Variants in UHRF2 observed in about 807,000 individuals in gnomAD.
UHRF2 encodes ubiquitin like with PHD and ring finger domains 2, also known as E3 ubiquitin-protein ligase UHRF2.
In UHRF2, 23 loss-of-function variants were observed where a neutral mutation model predicts 96.8. The observed-to-expected ratio is 0.24, with a 90% confidence interval of 0.17 to 0.34. The LOEUF is 0.34. Among genes scored for constraint, UHRF2 ranks in the 10% least tolerant of loss-of-function variants. The pLI is 1.00. For missense variants in UHRF2, 685 were observed against 981.5 expected, an observed-to-expected ratio of 0.70 and a Z score of 4.04; for synonymous variants, 385 against 332.6, an observed-to-expected ratio of 1.16 and a Z score of -1.72.
intron 3 of UHRF2, among the ~76,000 whole-genome samples, chr9:6,439,570 A>C (rs1387072628): frequency 6.6e-6 from 1 of 152,250 alleles, no homozygotes; most frequent in Non-Finnish European, 1.5e-5. Flanking sequence ...CATCATGTAC[A>C]AAGTAGATAG....
At chr9:6,487,605 G>C (rs1034427429) in intron 9 of UHRF2, among the ~76,000 whole-genome samples, 5 of 152,210 alleles carry the variant, frequency 3.3e-5, no homozygotes, top group Non-Finnish European at 7.3e-5. Flanking sequence ...GACCTCAGGT[G>C]ATCCTCCCGC....
chr9:6,478,499 A>G (rs1823724884), intron 6 of UHRF2, among the ~76,000 whole-genome samples: 1 of 152,238 alleles, frequency 6.6e-6, no homozygotes, highest in Non-Finnish European at 1.5e-5. Context: ...AGAAGGCTCC[A>G]ATTATACTTG....
intron 10 of UHRF2, chr9:6,494,512 T>C (rs1824852877): frequency 1.3e-5 from 2 of 152,196 alleles, no homozygotes; most frequent in Admixed American, 6.5e-5. Flanking sequence ...CTGATCTTTA[T>C]TCTATAGAAA....
intron 3 of UHRF2, among the ~76,000 whole-genome samples, chr9:6,434,940 C>T (rs1820753985): frequency 6.6e-6 from 1 of 151,896 alleles, no homozygotes; most frequent in Non-Finnish European, 1.5e-5. Context: ...AAGCGATCTT[C>T]CCACCTTAGC....
chr9:6,445,970 C>CG (rs1554624490), intron 3 of UHRF2, among the ~76,000 whole-genome samples: 1 of 137,658 alleles, frequency 7.3e-6, no homozygotes, highest in Non-Finnish European at 1.5e-5. Context: ...TACTCTTCCC[C>CG]CCCCGCCACC....
chr9:6,453,846 A>G (rs1171859957), intron 3 of UHRF2, among the ~76,000 whole-genome samples: 2 of 152,168 alleles, frequency 1.3e-5, no homozygotes, highest in Non-Finnish European at 2.9e-5. Flanking sequence ...CGGAGGTTAC[A>G]CTGAGCTGAG....
chr9:6,485,043 T>G (rs1250494156), intron 8 of UHRF2, among the ~76,000 whole-genome samples: 1 of 152,134 alleles, frequency 6.6e-6, no homozygotes, highest in African/African-American at 2.4e-5. Context: ...TCCACCCGCC[T>G]TGGCCTCCCA....
intron 4 of UHRF2, among the ~76,000 whole-genome samples, chr9:6,465,578 A>G (rs535574006): frequency 1.3e-5 from 2 of 152,234 alleles, no homozygotes; most frequent in South Asian, 4.1e-4. Flanking sequence ...GTTGTCATAA[A>G]TTTTTTTGGT....
At chr9:6,453,863 C>G (rs563581429) in intron 3 of UHRF2, among the ~76,000 whole-genome samples, 2 of 152,148 alleles carry the variant, frequency 1.3e-5, no homozygotes, top group African/African-American at 4.8e-5. Context: ...TGAGATCATG[C>G]CATTGTACTC....
chr9:6,419,210 A>G (rs1819782437), intron 1 of UHRF2, among the ~76,000 whole-genome samples: 1 of 152,160 alleles, frequency 6.6e-6, no homozygotes, highest in Admixed American at 6.5e-5. Flanking sequence ...TAGGTTTTAC[A>G]TTTCTTTTGT....
At chr9:6,445,302 C>G (rs995350193) in intron 3 of UHRF2, among the ~76,000 whole-genome samples, 3 of 152,038 alleles carry the variant, frequency 2.0e-5, no homozygotes, top group East Asian at 1.9e-4. Context: ...CTTGCTCTGT[C>G]TCCCAGGCTG....
At chr9:6,441,882 T>G (rs1420012126) in intron 3 of UHRF2, among the ~76,000 whole-genome samples, 1 of 152,172 alleles carries the variant, frequency 6.6e-6, no homozygotes, top group Non-Finnish European at 1.5e-5. Context: ...CCCATATTAA[T>G]TTTTCATAGA....
intron 14 of UHRF2, among the ~76,000 whole-genome samples, chr9:6,502,861 T>G (rs563209920): frequency 6.0e-4 from 92 of 152,352 alleles, no homozygotes; most frequent in African/African-American, 2.1e-3. Flanking sequence ...TTGCCATATT[T>G]TAAAAATGTG....
intron 10 of UHRF2, 81 bp from the exon 11 acceptor site, chr9:6,497,117 C>A (rs1825016329): frequency 7.9e-7 from 1 of 1,262,318 alleles, no homozygotes; most frequent in Non-Finnish European, 1.1e-6. Context: ...AGGTATAATT[C>A]ACCTTTTAAT....
Position 6,413,250 on chromosome 9 carries a change from C to G in UHRF2, c.-241C>G. 5.2e-6 allele frequency: 1 copy of G among 191,946 alleles called. No homozygotes were observed. The highest frequency in any genetic ancestry group is 1.1e-5 in the Non-Finnish European group (1 of 95,070). 11.9% of individuals were successfully genotyped at this position (191,946 alleles called of 1,614,324 possible). A position where few individuals can be genotyped will look rare whatever the true frequency, so the allele number is the denominator to read the frequency against. On this transcript the variant is annotated 5_prime_UTR_variant, in exon 1 of 16. Transcript: ENST00000276893. ...ACATGGCCTCTTCCTATCTTTGAGG[C>G]GGTGTCTGCGGCAGCGCCTCAGAGT...
chr9:6,439,294 C>T (rs414107), intron 3 of UHRF2, among the ~76,000 whole-genome samples: 115,046 of 152,076 alleles, frequency 0.76, 44,254 homozygotes, highest in Non-Finnish European at 0.82. Context: ...AAACGATTCT[C>T]CTGTCTCAGC....
intron 2 of UHRF2, among the ~76,000 whole-genome samples, chr9:6,427,721 T>C (rs7043824): frequency 0.96 from 146,028 of 152,258 alleles, 70,052 homozygotes; most frequent in East Asian, 0.99. Context: ...TATTTATTGC[T>C]CAATATCATT....
At chr9:6,419,534 A>C (rs1293506308) in intron 1 of UHRF2, among the ~76,000 whole-genome samples, 5 of 152,176 alleles carry the variant, frequency 3.3e-5, no homozygotes, top group Admixed American at 6.5e-5. Flanking sequence ...ATTTGACTTA[A>C]TGTGTTTTTT....
chr9:6,423,656 A>G (rs1365196362), intron 2 of UHRF2, among the ~76,000 whole-genome samples: 2 of 151,120 alleles, frequency 1.3e-5, no homozygotes. Context: ...TTTTTAAAGA[A>G]AAGTCTCGGC....
Sources: allele counts gnomAD v4.1 joint callset (sites outside exome capture counted in the v4.1 genomes callset), GRCh38; gene constraint gnomAD v4.1.1; transcripts MANE v1.5; gene names NCBI Gene and HGNC (gene_info 2026-07-23, HGNC 2026-07-21).